Variants in PRMT3 observed in about 807,000 individuals in gnomAD.
PRMT3 encodes protein arginine N-methyltransferase 3.
A neutral mutation model predicts 71.9 loss-of-function variants in PRMT3; 62 were observed. The observed-to-expected ratio is 0.86, with a 90% CI of 0.70 to 1.07. PRMT3 has a LOEUF of 1.07. Ranked by LOEUF, PRMT3 falls within the 50% of genes least tolerant of loss-of-function variation. PRMT3 has a pLI of 0.00. For missense variants in PRMT3, 663 were observed against 643.0 expected (o/e 1.03, Z -0.34); for synonymous variants, 213 against 220.4 (o/e 0.97, Z 0.30).
intron 10 of PRMT3, among the ~76,000 whole-genome samples, chr11:20,446,796 A>G (rs1488059992): frequency 1.3e-5 from 2 of 152,150 alleles, no homozygotes. Context: ...TTTCCTACCC[A>G]TTCTATGGCA....
chr11:20,486,306 T>C (rs1443554), intron 13 of PRMT3, among the ~76,000 whole-genome samples: 130,624 of 152,142 alleles, frequency 0.86, 56,622 homozygotes, highest in Middle Eastern at 0.91. Flanking sequence ...GTAAATTTTT[T>C]GGTATGTGAA....
chr11:20,501,286 TTGATG>T (rs1851452045), intron 15 of PRMT3, among the ~76,000 whole-genome samples: 1 of 152,154 alleles, frequency 6.6e-6, no homozygotes, highest in Non-Finnish European at 1.5e-5. Context: ...TCATTCCTTC[TTGATG>T]TGATGTAGTA....
intron 13 of PRMT3, among the ~76,000 whole-genome samples, chr11:20,469,344 G>A (rs1483381795): frequency 1.3e-5 from 2 of 152,202 alleles, no homozygotes; most frequent in Admixed American, 6.5e-5. Flanking sequence ...CGCTTACTCT[G>A]TATGCCAAGT....
intron 15 of PRMT3, among the ~76,000 whole-genome samples, chr11:20,498,090 A>C (rs1055444681): frequency 3.9e-5 from 6 of 152,198 alleles, no homozygotes; most frequent in Admixed American, 3.9e-4. Context: ...AGATCAGTGA[A>C]CTTGAATACA....
chr11:20,463,855 A>T (rs1850444217), intron 12 of PRMT3, among the ~76,000 whole-genome samples: 1 of 150,576 alleles, frequency 6.6e-6, no homozygotes. Flanking sequence ...GAAAAAGGGC[A>T]GAATGGGAAA....
At chr11:20,479,603 G>A (rs557395923) in intron 13 of PRMT3, among the ~76,000 whole-genome samples, 2 of 152,180 alleles carry the variant, frequency 1.3e-5, no homozygotes, top group Non-Finnish European at 2.9e-5. Context: ...GAGATTAGGT[G>A]AAGTATGTGT....
chr11:20,442,213 T>G (rs919342160), intron 10 of PRMT3, among the ~76,000 whole-genome samples: 6 of 146,936 alleles, frequency 4.1e-5, no homozygotes, highest in South Asian at 2.1e-4. Flanking sequence ...CAAAATATTG[T>G]TTTTTTTTTT....
At chr11:20,502,390 A>C (rs563256137) in intron 15 of PRMT3, among the ~76,000 whole-genome samples, 3 of 151,902 alleles carry the variant, frequency 2.0e-5, no homozygotes, top group Non-Finnish European at 4.4e-5. Flanking sequence ...TTGTGTGTGC[A>C]CCCTCATCTT....
intron 10 of PRMT3, among the ~76,000 whole-genome samples, chr11:20,433,971 T>C (rs1849710638): frequency 6.6e-6 from 1 of 152,170 alleles, no homozygotes. Flanking sequence ...CTTTCCACAA[T>C]GTTTGACCTA....
At chr11:20,417,783 CA>C (rs1385772992) in intron 9 of PRMT3, among the ~76,000 whole-genome samples, 1 of 151,946 alleles carries the variant, frequency 6.6e-6, no homozygotes, top group Non-Finnish European at 1.5e-5. Context: ...GTCACACACA[CA>C]CACACACACA....
At chr11:20,400,215 C>T (rs1300427997) in intron 7 of PRMT3, among the ~76,000 whole-genome samples, 2 of 152,108 alleles carry the variant, frequency 1.3e-5, no homozygotes, top group African/African-American at 4.8e-5. Context: ...TATTTTTATG[C>T]TTGGCATTGG....
chr11:20,410,343 C>A (rs541661457), intron 9 of PRMT3, among the ~76,000 whole-genome samples: 1 of 151,716 alleles, frequency 6.6e-6, no homozygotes. Flanking sequence ...TTTTTCATTG[C>A]GGTCATCTAA....
chr11:20,496,100 C>T (rs1320111105), intron 15 of PRMT3, among the ~76,000 whole-genome samples: 1 of 152,092 alleles, frequency 6.6e-6, no homozygotes, highest in Non-Finnish European at 1.5e-5. Context: ...ACAGTCTCTC[C>T]CACAACATAT....
chr11:20,414,549 T>G (rs1488968519), intron 9 of PRMT3, among the ~76,000 whole-genome samples: 1 of 152,176 alleles, frequency 6.6e-6, no homozygotes, highest in African/African-American at 2.4e-5. Context: ...CAGACAGTTG[T>G]ATACTGTGTT....
chr11:20,459,088 A>C (rs893406828), intron 11 of PRMT3, among the ~76,000 whole-genome samples: 2 of 152,168 alleles, frequency 1.3e-5, no homozygotes, highest in Non-Finnish European at 2.9e-5. Flanking sequence ...TAGTGTGGCC[A>C]TAGACAACAT....
chr11:20,476,665 T>TTTACATTCTTTC (rs1401898459), intron 13 of PRMT3, among the ~76,000 whole-genome samples: 1 of 152,206 alleles, frequency 6.6e-6, no homozygotes, highest in African/African-American at 2.4e-5. Context: ...TTATTTCTTT[T>TTTACATTCTTTC]TTACATTCTT....
chr11:20,448,922 A>G (rs1264493812), intron 10 of PRMT3, among the ~76,000 whole-genome samples: 2 of 152,152 alleles, frequency 1.3e-5, no homozygotes, highest in African/African-American at 2.4e-5. Context: ...TGGCACCCCT[A>G]CAGGTGAGGC....
At chr11:20,409,829 A>G (rs1369440338) in intron 9 of PRMT3, among the ~76,000 whole-genome samples, 2 of 152,158 alleles carry the variant, frequency 1.3e-5, no homozygotes, top group Non-Finnish European at 2.9e-5. Context: ...TCAATTGCTT[A>G]TTCATTGCCA....
chr11:20,508,603 C>G lies in PRMT3; in HGVS notation c.*190C>G, dbSNP rs751080998. ...AGCTGAGGAAGAGAATCAGCTGATCCTCATGGTCTGCCACGTAATCATTTT... is the reference window on the plus strand; with the variant it reads ...AGCTGAGGAAGAGAATCAGCTGATCGTCATGGTCTGCCACGTAATCATTTT... On this transcript the variant is annotated 3_prime_UTR_variant, in exon 16 of 16. Transcript: ENST00000331079. 1 of 687,366 alleles carries G rather than the reference C, an allele frequency of 1.5e-6. No individual in the cohort carries two copies. Among genetic ancestry groups the G allele is most frequent in the Non-Finnish European group, 2.7e-6 (1 of 374,398 alleles). 42.6% of individuals were successfully genotyped at this position (687,366 alleles called of 1,614,324 possible).
Sources: allele counts gnomAD v4.1 joint callset (sites outside exome capture counted in the v4.1 genomes callset), GRCh38; gene constraint gnomAD v4.1.1; transcripts MANE v1.5; gene names NCBI Gene and HGNC (gene_info 2026-07-23, HGNC 2026-07-21).